Variants in SORCS2 observed in about 807,000 individuals in gnomAD.
The protein encoded by SORCS2 is VPS10 domain-containing receptor SorCS2.
SORCS2 carries 100 observed loss-of-function variants against 141.6 expected under a neutral mutation model. That is an observed-to-expected ratio of 0.71 (90% confidence interval 0.60 to 0.83). SORCS2 has a LOEUF of 0.83. Ranked by LOEUF, SORCS2 falls within the 40% of genes least tolerant of loss-of-function variation. The pLI is 0.00. For missense variants in SORCS2, 1,646 were observed against 1,560.2 expected, an observed-to-expected ratio of 1.05 and a Z score of -0.93; for synonymous variants, 789 against 676.9, an observed-to-expected ratio of 1.17 and a Z score of -2.57.
intron 1 of SORCS2, among the ~76,000 whole-genome samples, chr4:7,303,005 G>T (rs2108903036): frequency 6.6e-6 from 1 of 152,296 alleles, no homozygotes; most frequent in South Asian, 2.1e-4. Context: ...TCCGTGGAGG[G>T]TCTCTGCGCC....
At chr4:7,245,168 A>G (rs1304269968) in intron 1 of SORCS2, among the ~76,000 whole-genome samples, 2 of 152,108 alleles carry the variant, frequency 1.3e-5, no homozygotes, top group Non-Finnish European at 2.9e-5. Context: ...AGGAGCCTGG[A>G]TGCAGGTCCC....
intron 2 of SORCS2, among the ~76,000 whole-genome samples, chr4:7,448,065 G>A (rs905838548): frequency 2.0e-5 from 3 of 152,184 alleles, no homozygotes; most frequent in Non-Finnish European, 4.4e-5. Flanking sequence ...TTCACCCTGT[G>A]TTACGTCCAG....
chr4:7,293,581 T>C (rs942443039), intron 1 of SORCS2, among the ~76,000 whole-genome samples: 2 of 152,204 alleles, frequency 1.3e-5, no homozygotes, highest in East Asian at 1.9e-4. Flanking sequence ...GGAAGTGGCA[T>C]CATTTGTTGA....
chr4:7,441,270 A>T (rs887901971), intron 2 of SORCS2, among the ~76,000 whole-genome samples: 4 of 152,148 alleles, frequency 2.6e-5, no homozygotes, highest in Non-Finnish European at 1.5e-5. Context: ...AAAAGCTGGA[A>T]AGAGCCGCAC....
chr4:7,629,484 G>A (rs1282642369), intron 3 of SORCS2, among the ~76,000 whole-genome samples: 1 of 151,978 alleles, frequency 6.6e-6, no homozygotes, highest in East Asian at 1.9e-4. Flanking sequence ...GAGTCAGGAG[G>A]TGGGAAGGCC....
intron 14 of SORCS2, among the ~76,000 whole-genome samples, chr4:7,708,147 C>T (rs991051296): frequency 1.3e-5 from 2 of 152,208 alleles, no homozygotes. Flanking sequence ...TTAAACTCCA[C>T]GAGGTCGCCG....
intron 2 of SORCS2, among the ~76,000 whole-genome samples, chr4:7,485,804 G>A (rs370933184): frequency 2.6e-5 from 4 of 152,168 alleles, no homozygotes; most frequent in African/African-American, 9.7e-5. Context: ...TGGCAGGAGG[G>A]AGAGACGTGT....
At chr4:7,715,902 C>T (rs16840900) in intron 17 of SORCS2, among the ~76,000 whole-genome samples, 30,440 of 152,150 alleles carry the variant, frequency 0.2, 4,193 homozygotes, top group East Asian at 0.53. Context: ...ATTGTCATCA[C>T]TCACCTAATT....
intron 2 of SORCS2, among the ~76,000 whole-genome samples, chr4:7,482,637 T>C (rs1193546502): frequency 3.2e-5 from 2 of 63,100 alleles, no homozygotes; most frequent in Non-Finnish European, 2.7e-5. Flanking sequence ...CCCCTGACGC[T>C]GTTTAGACCT....
At chr4:7,457,237 C>A (rs376151161) in intron 2 of SORCS2, among the ~76,000 whole-genome samples, 8 of 152,214 alleles carry the variant, frequency 5.3e-5, no homozygotes, top group African/African-American at 1.9e-4. Context: ...GGACCTGAAT[C>A]CCAGCCTGTC....
intron 2 of SORCS2, among the ~76,000 whole-genome samples, chr4:7,471,703 G>T (rs1729989089): frequency 6.6e-6 from 1 of 152,248 alleles, no homozygotes; most frequent in South Asian, 2.1e-4. Context: ...GGAGTAGGCA[G>T]GTGTGGAAGA....
chr4:7,351,296 G>T (rs950479548), intron 1 of SORCS2, among the ~76,000 whole-genome samples: 2 of 152,148 alleles, frequency 1.3e-5, no homozygotes, highest in Non-Finnish European at 2.9e-5. Context: ...TTGTCACAGC[G>T]GGTGTTATAG....
At chr4:7,575,680 G>A (rs1156939482) in intron 3 of SORCS2, among the ~76,000 whole-genome samples, 2 of 152,202 alleles carry the variant, frequency 1.3e-5, no homozygotes, top group East Asian at 1.9e-4. Context: ...ATGACCACAC[G>A]TGGCTGGGAG....
intron 2 of SORCS2, among the ~76,000 whole-genome samples, chr4:7,475,169 A>G (rs906316070): frequency 1.3e-5 from 2 of 152,116 alleles, no homozygotes; most frequent in Admixed American, 6.5e-5. Flanking sequence ...TGAGAAGTGG[A>G]TCCTTATGGC....
intron 9 of SORCS2, among the ~76,000 whole-genome samples, chr4:7,678,156 C>T (rs1359463645): frequency 6.6e-6 from 1 of 152,244 alleles, no homozygotes; most frequent in African/African-American, 2.4e-5. Flanking sequence ...GTGCTGGGGC[C>T]TGGAGACACA....
At chr4:7,290,426 C>T (rs1716526744) in intron 1 of SORCS2, among the ~76,000 whole-genome samples, 1 of 152,178 alleles carries the variant, frequency 6.6e-6, no homozygotes, top group Non-Finnish European at 1.5e-5. Flanking sequence ...CCAGGGTCTT[C>T]TGGTGTGAAT....
At chr4:7,296,524 C>T (rs1056522238) in intron 1 of SORCS2, among the ~76,000 whole-genome samples, 1 of 152,202 alleles carries the variant, frequency 6.6e-6, no homozygotes, top group Non-Finnish European at 1.5e-5. Flanking sequence ...CCCACCCACC[C>T]CACCAAGGAC....
rs552041798 is a variant in SORCS2 at position 7,531,458 on chromosome 4, G to A, written c.549-72G>A. On this transcript the variant is annotated intron_variant, in intron 2 of 26. Coordinates refer to ENST00000507866, the MANE Select transcript of SORCS2 (RefSeq NM_020777.3). ...CCCGCACGGGCACAGGGCAGGGGCT[G>A]GACACCGTGTGGGCTGACGAAGGCC... The A allele has an allele frequency of 6.3e-5, 90 of 1,434,414 alleles. 1 individual carries two copies. The African/African-American group carries it at 9.0e-4, about 14-fold the overall frequency. 88.9% of individuals were successfully genotyped at this position (1,434,414 alleles called of 1,614,324 possible). A position where few individuals can be genotyped will look rare whatever the true frequency, so the allele number is the denominator to read the frequency against.
chr4:7,738,124 A>G (rs929558558), intron 26 of SORCS2, among the ~76,000 whole-genome samples: 7 of 152,232 alleles, frequency 4.6e-5, no homozygotes, highest in African/African-American at 1.4e-4. Flanking sequence ...TGCATCCCTC[A>G]GCCGCAGTCA....
Sources: allele counts gnomAD v4.1 joint callset (sites outside exome capture counted in the v4.1 genomes callset), GRCh38; gene constraint gnomAD v4.1.1; transcripts MANE v1.5; gene names NCBI Gene and HGNC (gene_info 2026-07-23, HGNC 2026-07-21).